Variants in RAB8B observed in about 807,000 individuals in gnomAD.
RAB8B encodes the protein ras-related protein Rab-8B.
A neutral mutation model predicts 32.0 loss-of-function variants in RAB8B; 11 were observed. The ratio of observed to expected loss-of-function variants is 0.34; its 90% confidence interval spans 0.22 to 0.57. RAB8B has a LOEUF of 0.57. Among genes scored for constraint, RAB8B ranks in the 20% least tolerant of loss-of-function variants. RAB8B has a pLI of 0.86. For synonymous variants in RAB8B, 103 were observed against 89.6 expected (o/e 1.15, Z -0.85); for missense variants, 190 against 258.5 (o/e 0.73, Z 1.82).
chr15:63,252,502 C>G (rs2038124803), intron 3 of RAB8B, among the ~76,000 whole-genome samples: 1 of 152,208 alleles, frequency 6.6e-6, no homozygotes, highest in African/African-American at 2.4e-5. Context: ...TTCACACTTT[C>G]TGTGCTAACC....
intron 1 of RAB8B, among the ~76,000 whole-genome samples, chr15:63,230,401 G>A (rs1449332962): frequency 1.3e-5 from 2 of 151,782 alleles, no homozygotes; most frequent in East Asian, 1.9e-4. Flanking sequence ...TCCCGGGTTC[G>A]AGGAATTCTC....
intron 1 of RAB8B, among the ~76,000 whole-genome samples, chr15:63,225,190 C>G (rs1460254618): frequency 6.6e-6 from 1 of 152,172 alleles, no homozygotes; most frequent in East Asian, 1.9e-4. Context: ...GCCTCTTAGC[C>G]TTTGTTAATG....
At chr15:63,217,341 G>A (rs2037801733) in intron 1 of RAB8B, among the ~76,000 whole-genome samples, 1 of 152,086 alleles carries the variant, frequency 6.6e-6, no homozygotes, top group African/African-American at 2.4e-5. Flanking sequence ...ATGGAATATG[G>A]GGTTTTTCCA....
chr15:63,222,276 A>G (rs764368252), intron 1 of RAB8B, among the ~76,000 whole-genome samples: 13 of 152,022 alleles, frequency 8.6e-5, no homozygotes, highest in Non-Finnish European at 1.5e-4. Flanking sequence ...CTGTCCAGCT[A>G]AGGGGTGGTA....
At chr15:63,199,664 G>GT (rs1191964513) in intron 1 of RAB8B, among the ~76,000 whole-genome samples, 1 of 151,890 alleles carries the variant, frequency 6.6e-6, no homozygotes, top group Non-Finnish European at 1.5e-5. Context: ...TTTTTTGTTT[G>GT]TTTTTTGTTT....
At chr15:63,258,970 G>C (rs1001044594) in intron 5 of RAB8B, among the ~76,000 whole-genome samples, 2 of 152,012 alleles carry the variant, frequency 1.3e-5, no homozygotes, top group African/African-American at 2.4e-5. Flanking sequence ...TTTTGATTTA[G>C]TTCTAGGAAG....
chr15:63,220,384 G>A (rs995379392), intron 1 of RAB8B, among the ~76,000 whole-genome samples: 1 of 151,736 alleles, frequency 6.6e-6, no homozygotes, highest in Admixed American at 6.6e-5. Context: ...TCTTTAGGCC[G>A]GTGTTTTTAA....
Position 63,259,412 on chromosome 15 carries a change from T to C in RAB8B, c.415-215T>C, listed in dbSNP as rs2038185751. On this transcript the variant is annotated intron_variant, in intron 5 of 7. Coordinates refer to ENST00000321437, the MANE Select transcript of RAB8B (RefSeq NM_016530.3). This position sits in a 1 kb window ranked among gnomAD's most constrained non-coding sequence, Gnocchi z 4.4. ...TGAGCCACCATGCCCGGCCTTAAAT[T>C]ATGTTTGAAATGGAAGTTGTGCCAT... is the stretch of plus-strand genomic sequence containing the variant. Among the ~76,000 whole-genome samples, 1 of 152,108 alleles carries C rather than the reference T, an allele frequency of 6.6e-6. No homozygotes were observed. The highest frequency in any genetic ancestry group is 1.5e-5 in the Non-Finnish European group (1 of 68,018).
At chr15:63,243,611 G>C (rs962991963) in intron 1 of RAB8B, among the ~76,000 whole-genome samples, 1 of 152,140 alleles carries the variant, frequency 6.6e-6, no homozygotes, top group African/African-American at 2.4e-5. Flanking sequence ...TTGGCTTCAG[G>C]TTAGAATCAT....
chr15:63,244,737 T>C lies in RAB8B; in HGVS notation c.125-19T>C. On this transcript the variant is annotated intron_variant, in intron 1 of 7. Transcript: ENST00000321437. ...ATATCTGAAGAAACTTAACATATCTTTCTTTGTTTTTCTGGCAGGAATTGA... is the reference window on the plus strand; with the variant it reads ...ATATCTGAAGAAACTTAACATATCTCTCTTTGTTTTTCTGGCAGGAATTGA... The C allele has an allele frequency of 1.3e-6, 2 of 1,530,766 alleles. 1 individual carries two copies. Among genetic ancestry groups the C allele is most frequent in the Non-Finnish European group, 1.8e-6 (2 of 1,110,018 alleles). The allele number at this position is 1,530,766 out of a possible 1,614,324, so 94.8% of individuals were successfully genotyped here.
At chr15:63,220,896 C>T (rs576579179) in intron 1 of RAB8B, among the ~76,000 whole-genome samples, 40 of 152,220 alleles carry the variant, frequency 2.6e-4, no homozygotes, top group African/African-American at 9.4e-4. Flanking sequence ...ATTTAATCAG[C>T]CGTATACAGT....
chr15:63,225,574 G>C (rs1221825285), intron 1 of RAB8B, among the ~76,000 whole-genome samples: 1 of 152,128 alleles, frequency 6.6e-6, no homozygotes, highest in Non-Finnish European at 1.5e-5. Context: ...GGTTTTGTTA[G>C]TTCATCATCT....
chr15:63,228,053 G>A (rs950285210), intron 1 of RAB8B, among the ~76,000 whole-genome samples: 3 of 150,982 alleles, frequency 2.0e-5, no homozygotes, highest in Non-Finnish European at 4.4e-5. Flanking sequence ...ACCCACGCTG[G>A]AGCGTAGTCA....
intron 1 of RAB8B, among the ~76,000 whole-genome samples, chr15:63,234,987 A>G (rs2037966406): frequency 6.6e-6 from 1 of 152,110 alleles, no homozygotes; most frequent in African/African-American, 2.4e-5. Context: ...AAATCAGAGT[A>G]GCTAGCATTC....
At chr15:63,194,220 A>AT (rs1356640774) in intron 1 of RAB8B, among the ~76,000 whole-genome samples, 1 of 152,206 alleles carries the variant, frequency 6.6e-6, no homozygotes, top group East Asian at 1.9e-4. Context: ...TGAAGGTTTA[A>AT]TTGACACCCT....
chr15:63,237,792 TG>T (rs1386526231), intron 1 of RAB8B, among the ~76,000 whole-genome samples: 1 of 152,216 alleles, frequency 6.6e-6, no homozygotes, highest in Non-Finnish European at 1.5e-5. Flanking sequence ...AGGGTATTAC[TG>T]TAGAAATATT....
At chr15:63,210,716 C>T (rs1182953679) in intron 1 of RAB8B, among the ~76,000 whole-genome samples, 1 of 152,176 alleles carries the variant, frequency 6.6e-6, no homozygotes, top group East Asian at 1.9e-4. Context: ...GCTGTCTTTT[C>T]TATTGAGAAA....
At chr15:63,256,408 C>A in intron 4 of RAB8B, 97 bp from the exon 5 acceptor site, 1 of 841,038 alleles carries the variant, frequency 1.2e-6, no homozygotes, top group Non-Finnish European at 1.9e-6. Flanking sequence ...AAGATTATGT[C>A]TTATTAAATT....
At chr15:63,237,183 A>G (rs2037988176) in intron 1 of RAB8B, among the ~76,000 whole-genome samples, 1 of 152,178 alleles carries the variant, frequency 6.6e-6, no homozygotes, top group African/African-American at 2.4e-5. Context: ...AATCTTGGCT[A>G]TTGTGAATAG....
Sources: allele counts gnomAD v4.1 joint callset (sites outside exome capture counted in the v4.1 genomes callset), GRCh38; gene constraint gnomAD v4.1.1; non-coding constraint Gnocchi (gnomAD v3.1); transcripts MANE v1.5; gene names NCBI Gene and HGNC (gene_info 2026-07-23, HGNC 2026-07-21).